Variants in UBE2E2 observed in about 807,000 individuals in gnomAD.
The protein encoded by UBE2E2 is ubiquitin conjugating enzyme E2 E2.
A neutral mutation model predicts 24.7 loss-of-function variants in UBE2E2; 6 were observed. The ratio of observed to expected loss-of-function variants is 0.24; its 90% CI spans 0.13 to 0.48. The LOEUF is 0.48. Ranked by LOEUF, UBE2E2 falls within the 20% of genes least tolerant of loss-of-function variation. The pLI, the probability that UBE2E2 is intolerant of heterozygous loss-of-function variation, is 0.99. For synonymous variants in UBE2E2, 104 were observed against 83.6 expected, an observed-to-expected ratio of 1.24 and a Z score of -1.33; for missense variants, 169 against 245.0, an observed-to-expected ratio of 0.69 and a Z score of 2.07.
At chr3:23,537,841 G>T (rs1253593542) in intron 5 of UBE2E2, among the ~76,000 whole-genome samples, 1 of 152,124 alleles carries the variant, frequency 6.6e-6, no homozygotes, top group Non-Finnish European at 1.5e-5. Flanking sequence ...GTGACTGCTG[G>T]TGGGTGGGAA....
At chr3:23,574,394 AAC>A (rs1484588585) in intron 5 of UBE2E2, among the ~76,000 whole-genome samples, 15 of 152,302 alleles carry the variant, frequency 9.8e-5, no homozygotes, top group South Asian at 6.2e-4. Flanking sequence ...GATTGTCCAT[AAC>A]ACAAAGGATA....
At position 23,204,077 on chromosome 3, in the gene UBE2E2, C is replaced by T. The variant is rs181529732; in HGVS notation, c.-9+613C>T. ...ACCGAAGCCCATTTTTCTCTGGTCT[C>T]TTCTCTGCAGCCCCCACTGGCCTGG... is the stretch of plus-strand genomic sequence containing the variant. On this transcript the variant is annotated intron_variant, in intron 1 of 5. Coordinates refer to ENST00000396703, the MANE Select transcript of UBE2E2 (RefSeq NM_152653.4). Among the ~76,000 whole-genome samples, 341 of 152,178 alleles carry T rather than the reference C, an allele frequency of 2.2e-3. 3 individuals are homozygous for T. Among genetic ancestry groups the T allele is most frequent in the African/African-American group, 7.8e-3 (323 of 41,510 alleles).
chr3:23,565,150 C>G (rs1477797825), intron 5 of UBE2E2, among the ~76,000 whole-genome samples: 6 of 152,118 alleles, frequency 3.9e-5, no homozygotes, highest in Admixed American at 6.6e-5. Context: ...TATAGCTTCT[C>G]TTTATGGTTC....
At chr3:23,393,121 G>GGA (rs1696980550) in intron 3 of UBE2E2, among the ~76,000 whole-genome samples, 1 of 152,176 alleles carries the variant, frequency 6.6e-6, no homozygotes, top group African/African-American at 2.4e-5. Flanking sequence ...ATGTATGTGG[G>GGA]GAGCACAACC....
At chr3:23,552,341 A>C (rs1287984483) in intron 5 of UBE2E2, among the ~76,000 whole-genome samples, 1 of 152,184 alleles carries the variant, frequency 6.6e-6, no homozygotes, top group Non-Finnish European at 1.5e-5. Flanking sequence ...CAACAGAGAG[A>C]GACCCCTTCT....
intron 1 of UBE2E2, among the ~76,000 whole-genome samples, chr3:23,208,239 AT>A (rs764311414): frequency 6.6e-6 from 1 of 152,100 alleles, no homozygotes; most frequent in Non-Finnish European, 1.5e-5. Context: ...TGTTCAGGAC[AT>A]TTCATATAAA....
intron 3 of UBE2E2, among the ~76,000 whole-genome samples, chr3:23,495,525 C>T (rs577378584): frequency 1.3e-4 from 20 of 152,314 alleles, no homozygotes; most frequent in Middle Eastern, 3.4e-3. Context: ...TAGCTGTATA[C>T]GCTCACCTGT....
chr3:23,267,294 T>G (rs1698076207), intron 3 of UBE2E2, among the ~76,000 whole-genome samples: 1 of 151,208 alleles, frequency 6.6e-6, no homozygotes. Flanking sequence ...TCAACAAAAT[T>G]GATAGACCGC....
At chr3:23,220,119 T>G (rs1378727078) in intron 3 of UBE2E2, among the ~76,000 whole-genome samples, 2 of 152,188 alleles carry the variant, frequency 1.3e-5, no homozygotes, top group South Asian at 4.1e-4. Context: ...CAGCATTCAG[T>G]GTAGATAAAG....
At chr3:23,497,895 C>T (rs1488390510) in intron 3 of UBE2E2, among the ~76,000 whole-genome samples, 1 of 152,188 alleles carries the variant, frequency 6.6e-6, no homozygotes, top group Non-Finnish European at 1.5e-5. Flanking sequence ...AGGAATTACT[C>T]ATACTCATCA....
intron 5 of UBE2E2, among the ~76,000 whole-genome samples, chr3:23,544,680 C>A (rs375128992): frequency 6.6e-6 from 1 of 152,116 alleles, no homozygotes; most frequent in Non-Finnish European, 1.5e-5. Flanking sequence ...GTGGGTTGCC[C>A]CTCCACACCT....
chr3:23,304,819 C>T (rs77472243), intron 3 of UBE2E2, among the ~76,000 whole-genome samples: 2 of 151,892 alleles, frequency 1.3e-5, no homozygotes, highest in Non-Finnish European at 2.9e-5. Flanking sequence ...GCCTTAATAC[C>T]GGGTATGCAT....
intron 5 of UBE2E2, among the ~76,000 whole-genome samples, chr3:23,556,404 G>A (rs1247331133): frequency 7.2e-6 from 1 of 139,040 alleles, no homozygotes; most frequent in African/African-American, 2.7e-5. Context: ...ACCTCCCAAA[G>A]TGCTGGGATT....
chr3:23,316,265 G>C (rs1239223583), intron 3 of UBE2E2, among the ~76,000 whole-genome samples: 1 of 152,030 alleles, frequency 6.6e-6, no homozygotes, highest in East Asian at 1.9e-4. Flanking sequence ...CCCGGAGGTG[G>C]AAACCTTAGA....
At chr3:23,478,543 A>G (rs1002187959) in intron 3 of UBE2E2, among the ~76,000 whole-genome samples, 2 of 152,250 alleles carry the variant, frequency 1.3e-5, no homozygotes, top group Non-Finnish European at 2.9e-5. Context: ...TCATACATCA[A>G]GAACTGATGT....
At chr3:23,563,230 C>T (rs1695979935) in intron 5 of UBE2E2, among the ~76,000 whole-genome samples, 1 of 152,210 alleles carries the variant, frequency 6.6e-6, no homozygotes, top group African/African-American at 2.4e-5. Context: ...TCCCTCTACA[C>T]ACTGCTTTAA....
intron 5 of UBE2E2, among the ~76,000 whole-genome samples, chr3:23,580,255 T>G (rs540142913): frequency 6.6e-6 from 1 of 152,364 alleles, no homozygotes; most frequent in Admixed American, 6.5e-5. Context: ...CAACATCACA[T>G]GCACAGAGAA....
chr3:23,549,342 C>G (rs1415179673), intron 5 of UBE2E2, among the ~76,000 whole-genome samples: 2 of 152,184 alleles, frequency 1.3e-5, no homozygotes, highest in Non-Finnish European at 2.9e-5. Context: ...GTGACATGCC[C>G]TTGCATGCAT....
intron 4 of UBE2E2, among the ~76,000 whole-genome samples, chr3:23,515,310 T>G (rs1249728832): frequency 6.6e-6 from 1 of 152,134 alleles, no homozygotes; most frequent in Non-Finnish European, 1.5e-5. Flanking sequence ...TAGGAGATAT[T>G]TCCTCCTGCA....
Sources: gnomAD v4.1 joint callset for allele counts (sites outside exome capture counted in the v4.1 genomes callset) on GRCh38, gnomAD v4.1.1 for gene constraint, MANE v1.5 for transcripts, NCBI Gene and HGNC (gene_info 2026-07-23, HGNC 2026-07-21) for gene names.